Variants in MYH11 observed in about 807,000 individuals in gnomAD.
MYH11 encodes the protein myosin-11.
A neutral mutation model predicts 246.6 loss-of-function variants in MYH11; 80 were observed. The ratio of observed to expected loss-of-function variants is 0.32; its 90% CI spans 0.27 to 0.39. MYH11 has a LOEUF of 0.39. Among genes scored for constraint, MYH11 ranks in the 10% least tolerant of loss-of-function variants. MYH11 has a pLI of 1.00. For synonymous variants in MYH11, 1,071 were observed against 1,015.5 expected (o/e 1.05, Z -1.04); for missense variants, 2,158 against 2,546.8 (o/e 0.85, Z 3.29).
intron 40 of MYH11, chr16:15,711,339 A>C (rs2039781711): frequency 6.6e-6 from 1 of 152,122 alleles, no homozygotes; most frequent in African/African-American, 2.4e-5. Context: ...GATGTCAGAG[A>C]GAGTCTATTT....
intron 21 of MYH11, 28 bp downstream of exon 21, chr16:15,741,732 A>C: frequency 6.2e-7 from 1 of 1,614,122 alleles, no homozygotes; most frequent in South Asian, 1.1e-5. Flanking sequence ...GTTCCCCAGC[A>C]ACCCCAGCCA....
intron 31 of MYH11, among the ~76,000 whole-genome samples, chr16:15,723,125 G>C (rs1296208669): frequency 6.6e-6 from 1 of 152,068 alleles, no homozygotes; most frequent in African/African-American, 2.4e-5. Context: ...CTTAAAAGTT[G>C]GTATTTAGGG....
At position 15,771,466 on chromosome 16, in the gene MYH11, G is replaced by A. The variant is rs552999027; in HGVS notation, c.1033+103C>T. The stretch of plus-strand genomic sequence containing the variant: ...TTTTTTTTTTTTTAATGGAAGGTGG[G>A]GAATTCAGAGAGCAGAAATCTGTCC... On this transcript the variant is annotated intron_variant, in intron 9 of 40. Transcript: ENST00000300036. 7.6e-5 allele frequency: 89 copies of A among 1,165,782 alleles called. 1 individual carries two copies. The South Asian group carries it at 1.4e-3, about 19-fold the overall frequency. The allele number at this position is 1,165,782 out of a possible 1,614,324, so 72.2% of individuals were successfully genotyped here. A position where few individuals can be genotyped will look rare whatever the true frequency, so the allele number is the denominator to read the frequency against.
At chr16:15,745,578 CTTTCTT>C (rs1296830255) in intron 19 of MYH11, among the ~76,000 whole-genome samples, 23 of 129,334 alleles carry the variant, frequency 1.8e-4, no homozygotes, top group African/African-American at 6.7e-4. Flanking sequence ...TTTTTTCTTT[CTTTCTT>C]TTTTTTTTTT....
chr16:15,846,485 G>A (rs1246519424), intron 1 of MYH11, among the ~76,000 whole-genome samples: 1 of 152,196 alleles, frequency 6.6e-6, no homozygotes, highest in African/African-American at 2.4e-5. Flanking sequence ...CGTGAGGGGG[G>A]CTTGTGAGGG....
At chr16:15,753,307 C>A in intron 15 of MYH11, 87 bp downstream of exon 15, 1 of 1,210,246 alleles carries the variant, frequency 8.3e-7, no homozygotes. Flanking sequence ...GGCCTCCCCT[C>A]CTGGGGCAGG....
At chr16:15,838,552 C>A (rs1033347006) in intron 1 of MYH11, among the ~76,000 whole-genome samples, 2 of 151,956 alleles carry the variant, frequency 1.3e-5, no homozygotes, top group African/African-American at 4.8e-5. Flanking sequence ...TGAAATACTA[C>A]CCAGTGCTCA....
chr16:15,838,369 A>G (rs2043963078), intron 1 of MYH11, 100 bp from the exon 2 acceptor site: 1 of 897,906 alleles, frequency 1.1e-6, no homozygotes, highest in South Asian at 1.4e-5. Flanking sequence ...GTCTGCAGAG[A>G]CATCCCACCA....
Position 15,721,067 on chromosome 16 carries a change from G to A in MYH11, c.4579-16C>T, listed in dbSNP as rs750255006. ...GCTCATGGACCTGCCGGCAGAGCGGGCAGCCCCATTCTATGAGGCTCAACT... is the reference window on the plus strand; with the variant it reads ...GCTCATGGACCTGCCGGCAGAGCGGACAGCCCCATTCTATGAGGCTCAACT... On this transcript the variant is annotated splice_polypyrimidine_tract_variant and intron_variant, in intron 32 of 40. Coordinates refer to ENST00000300036, the MANE Select transcript of MYH11 (RefSeq NM_002474.3). 2.5e-6 allele frequency: 4 copies of A among 1,613,100 alleles called. No individual in the cohort carries two copies. In the South Asian group the frequency reaches 4.4e-5, roughly 18 times the overall value.
chr16:15,706,715 C>G (rs1160359080), intron 40 of MYH11, among the ~76,000 whole-genome samples: 1 of 150,006 alleles, frequency 6.7e-6, no homozygotes, highest in African/African-American at 2.4e-5. Flanking sequence ...AAAAAAAAAA[C>G]AAAAAAAAAT....
chr16:15,753,584 C>G, intron 14 of MYH11, 76 bp from the exon 15 acceptor site: 1 of 1,099,690 alleles, frequency 9.1e-7, no homozygotes, highest in South Asian at 1.3e-5. Context: ...CCCCAGCCCT[C>G]CCATTGTCCT....
chr16:15,825,132 G>T (rs1409700088), intron 2 of MYH11, among the ~76,000 whole-genome samples: 1 of 152,190 alleles, frequency 6.6e-6, no homozygotes, highest in Admixed American at 6.6e-5. Context: ...TCATTTATGT[G>T]AAGTGTCTAG....
At chr16:15,831,888 G>T (rs147204928) in intron 2 of MYH11, among the ~76,000 whole-genome samples, 1 of 151,906 alleles carries the variant, frequency 6.6e-6, no homozygotes, top group African/African-American at 2.4e-5. Context: ...CAGTGAGCCA[G>T]GATCACACCA....
At chr16:15,838,357 C>G in intron 1 of MYH11, 88 bp from the exon 2 acceptor site, 2 of 1,046,950 alleles carry the variant, frequency 1.9e-6, no homozygotes, top group South Asian at 2.6e-5. Flanking sequence ...TCTAGGAACT[C>G]GGTCTGCAGA....
intron 10 of MYH11, 53 bp downstream of exon 10, chr16:15,763,743 C>CCG: frequency 1.7e-6 from 1 of 582,096 alleles, no homozygotes; most frequent in Non-Finnish European, 3.3e-6. Flanking sequence ...ATGTCACCTC[C>CCG]CCCACCCCCC....
rs1047785977 is a variant in MYH11, at chr16:15,706,358, C to G, written c.5787-2235G>C. ...CAGAGGAGCAGCAGTTTGACTGTTC[C>G]CTGTACGCTCCCCACACAGCTCTCT... On this transcript the variant is annotated intron_variant, in intron 40 of 40. Coordinates refer to ENST00000300036, the MANE Select transcript of MYH11 (RefSeq NM_002474.3). Among the ~76,000 whole-genome samples the G allele has an allele frequency of 2.6e-5, 4 of 152,232 alleles. No homozygotes were observed. The Middle Eastern group carries it at 0.01, about 388-fold the overall frequency.
At chr16:15,793,172 G>A (rs1434451011) in intron 4 of MYH11, among the ~76,000 whole-genome samples, 1 of 152,132 alleles carries the variant, frequency 6.6e-6, no homozygotes, top group Non-Finnish European at 1.5e-5. Context: ...CTCCAGCCAG[G>A]CCCATGGCCT....
At chr16:15,845,861 G>A (rs1424551588) in intron 1 of MYH11, among the ~76,000 whole-genome samples, 1 of 152,276 alleles carries the variant, frequency 6.6e-6, no homozygotes, top group East Asian at 1.9e-4. Flanking sequence ...GGAGGCTGAG[G>A]TGGGAGGATA....
chr16:15,725,988 C>T (rs1235268379), intron 28 of MYH11: 3 of 318,140 alleles, frequency 9.4e-6, no homozygotes, highest in African/African-American at 2.1e-5. Flanking sequence ...CTGGGCACTC[C>T]AGCTCTACTG....
Sources: gnomAD v4.1 joint callset for allele counts (sites outside exome capture counted in the v4.1 genomes callset) on GRCh38, gnomAD v4.1.1 for gene constraint, MANE v1.5 for transcripts, NCBI Gene and HGNC (gene_info 2026-07-23, HGNC 2026-07-21) for gene names.